GLP1R: variants seen among roughly 807,000 people sequenced by gnomAD.
The protein encoded by GLP1R is glucagon like peptide 1 receptor, also known as glucagon-like peptide 1 receptor.
A neutral mutation model predicts 68.4 loss-of-function variants in GLP1R; 32 were observed. That is an observed-to-expected ratio of 0.47 (90% CI 0.35 to 0.63). GLP1R has a LOEUF of 0.63. Among genes scored for constraint, GLP1R ranks in the 20% least tolerant of loss-of-function variants. GLP1R has a pLI of 0.00. For synonymous variants in GLP1R, 263 were observed against 244.4 expected, an observed-to-expected ratio of 1.08 and a Z score of -0.71; for missense variants, 502 against 594.9, an observed-to-expected ratio of 0.84 and a Z score of 1.62.
intron 1 of GLP1R, among the ~76,000 whole-genome samples, chr6:39,052,980 T>C (rs1768120839): frequency 6.6e-6 from 1 of 152,060 alleles, no homozygotes; most frequent in Non-Finnish European, 1.5e-5. Flanking sequence ...CTCCAAAAAC[T>C]CCTGAATCTG....
At chr6:39,048,999 C>T (rs375801290) in intron 1 of GLP1R, 81 bp downstream of exon 1, 1 of 576,536 alleles carries the variant, frequency 1.7e-6, no homozygotes. Context: ...GTGGAGGGCC[C>T]CGGGACTTGA....
Position 39,079,050 on chromosome 6 carries a change from G to A in GLP1R, c.954+24G>A. 2.5e-6 allele frequency: 4 copies of A among 1,612,208 alleles called. No homozygotes were observed. Among genetic ancestry groups the A allele is most frequent in the Non-Finnish European group, 3.4e-6 (4 of 1,178,212 alleles). ...GGGTGAGTGATGGTGTCAGGGATGGGAGTGGCAGCTATGATAGGGCTGGGC... is the reference window on the plus strand; with the variant it reads ...GGGTGAGTGATGGTGTCAGGGATGGAAGTGGCAGCTATGATAGGGCTGGGC... On this transcript the variant is annotated intron_variant, in intron 9 of 12. Transcript: ENST00000373256. The surrounding 1 kb of genome is among the most constrained non-coding windows in gnomAD (Gnocchi z 4.5).
At chr6:39,056,851 C>G (rs547606680) in intron 2 of GLP1R, among the ~76,000 whole-genome samples, 11 of 152,274 alleles carry the variant, frequency 7.2e-5, no homozygotes, top group Middle Eastern at 3.4e-3. Flanking sequence ...GCCGGCCAGC[C>G]CCCCAGCTAG....
intron 7 of GLP1R, 139 bp from the exon 8 acceptor site, chr6:39,078,183 A>T: frequency 1.5e-6 from 1 of 678,248 alleles, no homozygotes; most frequent in Non-Finnish European, 2.7e-6. Flanking sequence ...CCAGAAAAAA[A>T]CTAGAAAACA....
intron 12 of GLP1R, among the ~76,000 whole-genome samples, chr6:39,083,912 C>G (rs1358560117): frequency 6.6e-6 from 1 of 152,182 alleles, no homozygotes; most frequent in Non-Finnish European, 1.5e-5. Flanking sequence ...ATGTGAGATG[C>G]TCATGCATTT....
intron 8 of GLP1R, 105 bp from the exon 9 acceptor site, chr6:39,078,852 G>T: frequency 2.1e-6 from 2 of 941,528 alleles, no homozygotes; most frequent in African/African-American, 3.2e-5. Flanking sequence ...CTGTGTGTGT[G>T]GCACTCAACA....
At chr6:39,051,959 G>T (rs146209881) in intron 1 of GLP1R, among the ~76,000 whole-genome samples, 24 of 151,862 alleles carry the variant, frequency 1.6e-4, no homozygotes, top group African/African-American at 5.8e-4. Context: ...GTGCAGGAGA[G>T]ATAGTGTGCA....
At chr6:39,056,307 G>C in intron 1 of GLP1R, 90 bp from the exon 2 acceptor site, 1 of 666,784 alleles carries the variant, frequency 1.5e-6, no homozygotes, top group African/African-American at 1.8e-5. Context: ...AGGTTTCATG[G>C]AGATTGAGAA....
intron 3 of GLP1R, among the ~76,000 whole-genome samples, chr6:39,062,016 C>A (rs1257032204): frequency 6.6e-6 from 1 of 152,164 alleles, no homozygotes. Context: ...AAATGGGGGC[C>A]CAGTAGTCCT....
Position 39,091,166 on chromosome 6 carries a change from T to C in GLP1R, c.*5093T>C, listed in dbSNP as rs1475483228. On this transcript the variant is annotated 3_prime_UTR_variant, in exon 13 of 13. Coordinates refer to ENST00000373256, the MANE Select transcript of GLP1R (RefSeq NM_002062.5). Reference sequence around the variant, plus strand: ...ATCATTTCCAGGTGATTTCTTAACATATAAATTCCTGCAAAATAGGACCAG... The same window carrying C: ...ATCATTTCCAGGTGATTTCTTAACACATAAATTCCTGCAAAATAGGACCAG... 6.6e-6 allele frequency among the ~76,000 whole-genome samples: 1 copy of C among 152,182 alleles called. No homozygotes were observed. The highest frequency in any genetic ancestry group is 1.5e-5 in the Non-Finnish European group (1 of 68,026).
At chr6:39,051,899 G>T (rs1258308598) in intron 1 of GLP1R, among the ~76,000 whole-genome samples, 6 of 147,038 alleles carry the variant, frequency 4.1e-5, no homozygotes, top group African/African-American at 1.5e-4. Context: ...GTGTGTGGGG[G>T]GGGGGGCATC....
intron 1 of GLP1R, among the ~76,000 whole-genome samples, chr6:39,056,030 TTA>T (rs1562003558): frequency 6.6e-6 from 1 of 152,182 alleles, no homozygotes; most frequent in Non-Finnish European, 1.5e-5. Flanking sequence ...CAGAAGGAGC[TTA>T]GAGTCCTGGG....
chr6:39,073,560 A>T, intron 6 of GLP1R, 50 bp from the exon 7 acceptor site: 1 of 1,535,646 alleles, frequency 6.5e-7, no homozygotes, highest in African/African-American at 1.4e-5. Context: ...GTATCAAGAG[A>T]GGCAGAGGGC....
chr6:39,076,148 G>T (rs1768819537), intron 7 of GLP1R, among the ~76,000 whole-genome samples: 1 of 152,226 alleles, frequency 6.6e-6, no homozygotes, highest in Non-Finnish European at 1.5e-5. Context: ...GTCTCAGAGA[G>T]AAGGGACAGC....
In GLP1R at chr6:39,071,345, C is replaced by CA. The variant is rs35740935; in HGVS notation, c.510-1495dup. ...TGGGCGACAGAGCAAGATTCCATCT[C>CA]AAAAAAAAAAAAAAAAAAAAAAGAA... On this transcript the variant is annotated intron_variant, in intron 5 of 12. Coordinates refer to ENST00000373256, the MANE Select transcript of GLP1R (RefSeq NM_002062.5). 4.1e-3 allele frequency among the ~76,000 whole-genome samples: 355 copies of CA among 85,844 alleles called. 4 individuals carry two copies. Among genetic ancestry groups the CA allele is most frequent in the Admixed American group, 0.022 (164 of 7,582 alleles). The allele number at this position is 85,844 out of a possible 152,430, so 56.3% of individuals were successfully genotyped here.
At position 39,086,166 on chromosome 6, in the gene GLP1R, GACACAC is replaced by G. The variant is rs34093988; in HGVS notation, c.*127_*132del. 81,384 of 578,146 alleles carry G rather than the reference GACACAC, an allele frequency of 0.14. 1,709 individuals are homozygous for G. The highest frequency in any genetic ancestry group is 0.19 in the South Asian group (8,477 of 45,800). 35.8% of individuals were successfully genotyped at this position (578,146 alleles called of 1,614,324 possible). A position where few individuals can be genotyped will look rare whatever the true frequency, so the allele number is the denominator to read the frequency against. ...ACTCCCAGGGACAAGGGAAGGAAGGGACACACACACACACACACACACACACACACA... is the reference window on the plus strand; with the variant it reads ...ACTCCCAGGGACAAGGGAAGGAAGGGACACACACACACACACACACACACA... On this transcript the variant is annotated 3_prime_UTR_variant, in exon 13 of 13. Transcript: ENST00000373256. The surrounding 1 kb of genome is among the most constrained non-coding windows in gnomAD (Gnocchi z 4.5).
In GLP1R at chr6:39,065,718, G is replaced by A. The variant is rs200110034; in HGVS notation, c.291G>A (p.Gln97=). 9.6e-6 allele frequency: 15 copies of A among 1,563,062 alleles called. No homozygotes were observed. In the Admixed American group the frequency reaches 2.3e-4, roughly 24 times the overall value. ...CAGGTCTCCCCACCCCAGTGCCGCA[G>A]GGCCACGTGTACCGGTTCTGCACAG... The part of the protein sequence containing the change: ...WYLPWASSVP[Q]GHVYRFCTAE... Residue 97 remains glutamine (Q), a synonymous_variant, in exon 4 of 13, where the codon CAG becomes CAA. Coordinates refer to ENST00000373256, the MANE Select transcript of GLP1R (RefSeq NM_002062.5).
chr6:39,073,054 C>T (rs767305637), intron 6 of GLP1R, 39 bp downstream of exon 6: 34 of 1,588,222 alleles, frequency 2.1e-5, no homozygotes, highest in East Asian at 1.3e-4. Flanking sequence ...GAGGGATGGG[C>T]GGTTGGAGGA....
intron 5 of GLP1R, among the ~76,000 whole-genome samples, chr6:39,071,398 T>G (rs997215604): frequency 2.0e-5 from 3 of 151,634 alleles, no homozygotes; most frequent in Non-Finnish European, 2.9e-5. Flanking sequence ...AATCTTTCCT[T>G]ACCCTAGTGT....
Sources: allele counts gnomAD v4.1 joint callset (sites outside exome capture counted in the v4.1 genomes callset), GRCh38; gene constraint gnomAD v4.1.1; non-coding constraint Gnocchi (gnomAD v3.1); transcripts MANE v1.5; gene names NCBI Gene and HGNC (gene_info 2026-07-23, HGNC 2026-07-21).